The following MAD1L1 variants were observed in gnomAD, a reference collection of about 807,000 sequenced individuals.
The protein encoded by MAD1L1 is mitotic arrest deficient 1 like 1, also known as mitotic spindle assembly checkpoint protein MAD1.
A neutral mutation model predicts 96.9 loss-of-function variants in MAD1L1; 95 were observed. That is an observed-to-expected ratio of 0.98 (90% CI 0.83 to 1.16). MAD1L1 has a LOEUF of 1.16. MAD1L1 is among the 50% of genes most tolerant of loss of function. The pLI is 0.00. For synonymous variants in MAD1L1, 473 were observed against 396.6 expected (o/e 1.19, Z -2.29); for missense variants, 1,007 against 954.4 (o/e 1.06, Z -0.73).
chr7:2,058,869 AGAGGC>A, intron 12 of MAD1L1, among the ~76,000 whole-genome samples: 1 of 75,572 alleles, frequency 1.3e-5, no homozygotes, highest in Non-Finnish European at 2.6e-5. Context: ...AGAGGAGAGG[AGAGGC>A]GCGGGGCTAG....
At chr7:1,843,914 C>T (rs569682324) in intron 18 of MAD1L1, among the ~76,000 whole-genome samples, 4 of 152,342 alleles carry the variant, frequency 2.6e-5, no homozygotes, top group African/African-American at 7.2e-5. Flanking sequence ...ACTTCAGCCA[C>T]GGCCACTCCA....
At chr7:2,049,683 G>A (rs764268755) in intron 12 of MAD1L1, among the ~76,000 whole-genome samples, 4 of 152,204 alleles carry the variant, frequency 2.6e-5, no homozygotes, top group Non-Finnish European at 5.9e-5. Flanking sequence ...GCACTGCCTG[G>A]CGTGGGTGGC....
chr7:1,904,369 C>T lies in MAD1L1; in HGVS notation c.1808-5979G>A, dbSNP rs1287442779. ...CAAGGATGCAGTGGCCTATGGAAGACGCTCTTGCAGAATTCATGATTGATG... is the reference window on the plus strand; with the variant it reads ...CAAGGATGCAGTGGCCTATGGAAGATGCTCTTGCAGAATTCATGATTGATG... On this transcript the variant is annotated intron_variant, in intron 17 of 18. Transcript: ENST00000265854. Among the ~76,000 whole-genome samples the T allele has an allele frequency of 5.1e-5, 7 of 138,072 alleles. 1 individual carries two copies. Among genetic ancestry groups the T allele is most frequent in the African/African-American group, 9.0e-5 (3 of 33,334 alleles). 90.6% of individuals were successfully genotyped at this position (138,072 alleles called of 152,430 possible).
At chr7:2,125,117 G>T (rs114590676) in intron 11 of MAD1L1, among the ~76,000 whole-genome samples, 1,535 of 152,282 alleles carry the variant, frequency 0.01, 21 homozygotes, top group African/African-American at 0.035. Context: ...GCACTTTACA[G>T]ACACAGGACC....
chr7:2,028,318 G>A (rs915635988), intron 12 of MAD1L1, among the ~76,000 whole-genome samples: 20 of 151,676 alleles, frequency 1.3e-4, no homozygotes, highest in Middle Eastern at 3.4e-3. Flanking sequence ...CCAGCTACTC[G>A]GGAGGCTGAG....
At chr7:1,826,601 G>T (rs1782406725) in intron 18 of MAD1L1, among the ~76,000 whole-genome samples, 1 of 152,202 alleles carries the variant, frequency 6.6e-6, no homozygotes, top group African/African-American at 2.4e-5. Context: ...CGTCCCTCGG[G>T]GGAGACGACA....
intron 10 of MAD1L1, among the ~76,000 whole-genome samples, chr7:2,158,825 C>T (rs1789964792): frequency 6.7e-6 from 1 of 150,028 alleles, no homozygotes; most frequent in African/African-American, 2.5e-5. Context: ...AGTACCCGGC[C>T]CTGGGTCAGG....
intron 10 of MAD1L1, among the ~76,000 whole-genome samples, chr7:2,196,824 C>T (rs1792011950): frequency 6.6e-6 from 1 of 152,190 alleles, no homozygotes; most frequent in African/African-American, 2.4e-5. Flanking sequence ...CACTACAACG[C>T]GGCTGACTCC....
rs151119049 is a variant in MAD1L1, at chr7:2,192,101, C to A, written c.986+21111G>T. Reference sequence around the variant, plus strand: ...AAATTAAATCAGGGTGGAGGTAGCACGTTAAATATAAATCCATGGGGTTTT... The same window carrying A: ...AAATTAAATCAGGGTGGAGGTAGCAAGTTAAATATAAATCCATGGGGTTTT... On this transcript the variant is annotated intron_variant, in intron 10 of 18. Transcript: ENST00000265854. Among the ~76,000 whole-genome samples the A allele has an allele frequency of 5.8e-4, 88 of 151,174 alleles. 2 individuals are homozygous for A. The highest frequency in any genetic ancestry group is 2.1e-3 in the African/African-American group (88 of 41,300).
chr7:1,999,663 C>G (rs1449714677), intron 14 of MAD1L1, among the ~76,000 whole-genome samples: 1 of 152,200 alleles, frequency 6.6e-6, no homozygotes, highest in African/African-American at 2.4e-5. Flanking sequence ...TGCCCCAGCC[C>G]TACATCATGC....
At chr7:2,095,598 G>A (rs1786446072) in intron 11 of MAD1L1, among the ~76,000 whole-genome samples, 1 of 152,220 alleles carries the variant, frequency 6.6e-6, no homozygotes. Context: ...TTGCTAAACA[G>A]AAAACGCAAG....
chr7:1,923,915 C>T (rs1478471979), intron 17 of MAD1L1, among the ~76,000 whole-genome samples: 1 of 152,192 alleles, frequency 6.6e-6, no homozygotes, highest in Non-Finnish European at 1.5e-5. Context: ...CTGGGAAACT[C>T]GGCAAAGAGC....
rs561869058 is a variant in MAD1L1, at chr7:2,219,363, C to T, written c.565G>A (p.Glu189Lys). The T allele has an allele frequency of 9.8e-5, 156 of 1,597,596 alleles. 2 individuals carry two copies. In the South Asian group the frequency reaches 1.7e-3, roughly 17 times the overall value. Residue 189 changes from glutamate (E) to lysine (K), a missense_variant, in exon 6 of 19, where the codon GAG becomes AAG. Transcript: ENST00000265854. The part of the protein sequence containing the change: ...RVKRLESEKQ[E>K]LQEQLDLQHK... Reference sequence around the variant, plus strand: ...TGCAGGTCCAGCTGCTCCTGCAGCTCCTGCTTCTCCGACTCCAGGCGCTTC... The same window carrying T: ...TGCAGGTCCAGCTGCTCCTGCAGCTTCTGCTTCTCCGACTCCAGGCGCTTC...
chr7:1,843,072 C>T (rs959708140), intron 18 of MAD1L1, among the ~76,000 whole-genome samples: 4 of 152,298 alleles, frequency 2.6e-5, no homozygotes, highest in East Asian at 3.9e-4. Context: ...ATCTGGAGGA[C>T]GGGGGCTAGA....
rs896165448 is a variant in MAD1L1, at chr7:1,968,771, C to T, written c.1506-11052G>A. ...TGAAACACATCACACAAGCTCGCTTCGGGGGCGTTCTAGGGACTCCTAAAC... is the reference window on the plus strand; with the variant it reads ...TGAAACACATCACACAAGCTCGCTTTGGGGGCGTTCTAGGGACTCCTAAAC... On this transcript the variant is annotated intron_variant, in intron 15 of 18. Coordinates refer to ENST00000265854, the MANE Select transcript of MAD1L1 (RefSeq NM_001013836.2). This position sits in a 1 kb window ranked among gnomAD's most constrained non-coding sequence, Gnocchi z 5.6. Among the ~76,000 whole-genome samples, 2 of 152,218 alleles carry T rather than the reference C, an allele frequency of 1.3e-5. No homozygotes were observed. Among genetic ancestry groups the T allele is most frequent in the African/African-American group, 2.4e-5 (1 of 41,454 alleles).
Position 2,219,292 on chromosome 7 carries a change from C to A in MAD1L1, c.596+40G>T, listed in dbSNP as rs76410793. 5.2e-6 allele frequency: 8 copies of A among 1,528,762 alleles called. No individual in the cohort carries two copies. The African/African-American group carries it at 8.3e-5, about 16-fold the overall frequency. 94.7% of individuals were successfully genotyped at this position (1,528,762 alleles called of 1,614,324 possible). On this transcript the variant is annotated intron_variant, in intron 6 of 18. Coordinates refer to ENST00000265854, the MANE Select transcript of MAD1L1 (RefSeq NM_001013836.2). Reference sequence around the variant, plus strand: ...GAGAGGTGGGACGCATGCCCCCACACGTGACCCGACCCCCGACCCCACACC... The same window carrying A: ...GAGAGGTGGGACGCATGCCCCCACAAGTGACCCGACCCCCGACCCCACACC...
intron 14 of MAD1L1, among the ~76,000 whole-genome samples, chr7:1,989,443 G>A (rs1325374974): frequency 2.0e-5 from 3 of 152,378 alleles, no homozygotes; most frequent in South Asian, 2.1e-4. Flanking sequence ...GTTGATCTCC[G>A]GTGGGGCCGA....
At chr7:1,958,082 G>A (rs954926021) in intron 15 of MAD1L1, among the ~76,000 whole-genome samples, 1 of 152,222 alleles carries the variant, frequency 6.6e-6, no homozygotes, top group South Asian at 2.1e-4. Context: ...TGATGGCGGA[G>A]TGCAGGGGAC....
Position 1,913,320 on chromosome 7 carries a change from CCT to C in MAD1L1, c.1808-14932_1808-14931del, listed in dbSNP as rs578163115. Among the ~76,000 whole-genome samples, 701 of 152,138 alleles carry C rather than the reference CCT, an allele frequency of 4.6e-3. 4 individuals carry two copies. The highest frequency in any genetic ancestry group is 0.016 in the African/African-American group (653 of 41,524). On this transcript the variant is annotated intron_variant, in intron 17 of 18. Transcript: ENST00000265854. ...GGGCGGGGTGGGTGCAGGGAGGACC[CCT>C]GAGTGCTGAGGAGCACTCCACCCGG... is the stretch of plus-strand genomic sequence containing the variant.
Sources: gnomAD v4.1 joint callset for allele counts (sites outside exome capture counted in the v4.1 genomes callset) on GRCh38, gnomAD v4.1.1 for gene constraint, Gnocchi (gnomAD v3.1) non-coding constraint, MANE v1.5 for transcripts, NCBI Gene and HGNC (gene_info 2026-07-23, HGNC 2026-07-21) for gene names.